The following AGRN variants were observed in gnomAD, a reference collection of about 807,000 sequenced individuals.
AGRN encodes the protein agrin proteoglycan.
A neutral mutation model predicts 211.0 loss-of-function variants in AGRN; 106 were observed. The observed-to-expected ratio is 0.50, with a 90% CI of 0.43 to 0.59. The LOEUF (loss-of-function observed/expected upper bound fraction) is 0.59. AGRN is among the 20% of genes least tolerant of loss of function. AGRN has a pLI of 0.00. For missense variants in AGRN, 3,040 were observed against 2,982.6 expected, an observed-to-expected ratio of 1.02 and a Z score of -0.45; for synonymous variants, 1,525 against 1,332.5, an observed-to-expected ratio of 1.14 and a Z score of -3.15.
rs1212165261 is a variant in AGRN, at chr1:1,046,819, G to T, written c.3251-1G>T. On this transcript the variant is annotated splice_acceptor_variant, in intron 18 of 35. Coordinates refer to ENST00000379370, the MANE Select transcript of AGRN (RefSeq NM_198576.4). LOFTEE classifies it high-confidence loss of function. Reference sequence around the variant, plus strand: ...CCTGGGCTCAGAGCGCGTCTCCCCAGGGCTCGAGCCCTTGGAGGGCAGCAG... The same window carrying T: ...CCTGGGCTCAGAGCGCGTCTCCCCATGGCTCGAGCCCTTGGAGGGCAGCAG... 1 of 1,580,990 alleles carries T rather than the reference G, an allele frequency of 6.3e-7. No homozygotes were observed. Among genetic ancestry groups the T allele is most frequent in the Non-Finnish European group, 8.6e-7 (1 of 1,167,722 alleles).
chr1:1,040,717 GGGGCC>G lies in AGRN; in HGVS notation c.574_578del (p.Arg192ValfsTer125). On this transcript the variant is annotated frameshift_variant, in exon 4 of 36. Transcript: ENST00000379370. LOFTEE classifies it high-confidence loss of function. Reference sequence around the variant, plus strand: ...GCGCCGTGTGCGAGCCCAACGCGGAGGGGCCGGGCCGGGCGTCCTGCGTCTGCAAG... The same window carrying G: ...GCGCCGTGTGCGAGCCCAACGCGGAGGGGCCGGGCGTCCTGCGTCTGCAAG... 1 of 1,547,294 alleles carries G rather than the reference GGGGCC, an allele frequency of 6.5e-7. No individual in the cohort carries two copies. The highest frequency in any genetic ancestry group is 8.7e-7 in the Non-Finnish European group (1 of 1,147,156).
chr1:1,021,551 C>A (rs1382050969), intron 1 of AGRN, among the ~76,000 whole-genome samples: 1 of 152,224 alleles, frequency 6.6e-6, no homozygotes, highest in Non-Finnish European at 1.5e-5. Flanking sequence ...CAGGGGAGTG[C>A]GTGAGTGCGT....
At chr1:1,051,207 C>G (rs1178455397) in intron 30 of AGRN, 46 bp from the exon 31 acceptor site, 1 of 1,557,922 alleles carries the variant, frequency 6.4e-7, no homozygotes, top group East Asian at 2.4e-5. Flanking sequence ...CCTGGGTCTG[C>G]ACCGTGGGTG....
At position 1,040,780 on chromosome 1, in the gene AGRN, G is replaced by T; in HGVS notation, c.627G>T (p.Val209=). 1.9e-6 allele frequency: 3 copies of T among 1,540,448 alleles called. No individual in the cohort carries two copies. The highest frequency in any genetic ancestry group is 8.7e-7 in the Non-Finnish European group (1 of 1,147,744). Residue 209 remains valine (V), a synonymous_variant, in exon 4 of 36, where the codon GTG becomes GTT. Coordinates refer to ENST00000379370, the MANE Select transcript of AGRN (RefSeq NM_198576.4). ...KSPCPSVVAP[V]CGSDASTYSN... ...CGTGCCCCAGCGTGGTGGCGCCTGT[G>T]TGTGGGTCGGACGCCTCCACCTACA...
At position 1,051,344 on chromosome 1, in the gene AGRN, C is replaced by G. The variant is rs772049055; in HGVS notation, c.5345C>G (p.Ser1782Cys). Reference sequence around the variant, plus strand: ...CTGGCCCGTGCTGCTGCCGTGTCCTCTGGCTTCGACGGTGCCATCCAGCTG... The same window carrying G: ...CTGGCCCGTGCTGCTGCCGTGTCCTGTGGCTTCGACGGTGCCATCCAGCTG... ...SKLARAAAVS[S>C]GFDGAIQLVS... Residue 1782 changes from serine (S) to cysteine (C), a missense_variant, in exon 31 of 36, where the codon TCT becomes TGT. Ser to Cys is a moderately radical substitution (Grantham distance 112). Coordinates refer to ENST00000379370, the MANE Select transcript of AGRN (RefSeq NM_198576.4). 1 of 1,565,704 alleles carries G rather than the reference C, an allele frequency of 6.4e-7. No homozygotes were observed. The highest frequency in any genetic ancestry group is 8.6e-7 in the Non-Finnish European group (1 of 1,156,266).
chr1:1,045,235 A>C lies in AGRN; in HGVS notation c.2329A>C (p.Asn777His), dbSNP rs777783441. The C allele has an allele frequency of 7.4e-6, 12 of 1,612,226 alleles. No individual in the cohort carries two copies. In the Admixed American group the frequency reaches 1.5e-4, roughly 20 times the overall value. The change falls in exon 13 of 36, where the codon AAT becomes CAT. Residue 777 changes from asparagine (N) to histidine (H), a missense_variant. Asn to His is a moderately conservative substitution (Grantham distance 68). This residue lies in a region of AGRN where 1,498 missense variants were observed against 1,457.8 expected (regional missense o/e 1.03). Transcript: ENST00000379370. ...GACGCCCTACGGCTGCTGCCAGGAC[A>C]ATATCACCGCAGCCCGGGGCGTGGG... The part of the protein sequence containing the change: ...AQTPYGCCQD[N>H]ITAARGVGLA...
chr1:1,023,839 G>A (rs751014635), intron 2 of AGRN, among the ~76,000 whole-genome samples: 6 of 152,216 alleles, frequency 3.9e-5, no homozygotes, highest in Middle Eastern at 6.9e-3. Context: ...CAGAGCGCTG[G>A]GAGGAGGGTC....
chr1:1,042,773 G>C (rs931597192), intron 7 of AGRN, among the ~76,000 whole-genome samples: 1 of 152,198 alleles, frequency 6.6e-6, no homozygotes, highest in Admixed American at 6.5e-5. Context: ...CGGCAGGGGG[G>C]GTGGCTTGCT....
intron 2 of AGRN, among the ~76,000 whole-genome samples, chr1:1,023,155 G>A (rs1644447158): frequency 6.6e-6 from 1 of 152,202 alleles, no homozygotes; most frequent in Non-Finnish European, 1.5e-5. Context: ...CCTGGGAAGG[G>A]ATGTGTCGGT....
chr1:1,038,140 G>A (rs114726421), intron 3 of AGRN, among the ~76,000 whole-genome samples: 1 of 152,268 alleles, frequency 6.6e-6, no homozygotes, highest in African/African-American at 2.4e-5. Flanking sequence ...TGGGCTGGCC[G>A]GCAGTGTCAC....
chr1:1,035,120 T>C (rs1644769916), intron 2 of AGRN, 157 bp from the exon 3 acceptor site: 6 of 792,352 alleles, frequency 7.6e-6, no homozygotes, highest in Non-Finnish European at 2.1e-6. Flanking sequence ...AGCCAGCCCA[T>C]GGGGTCAGGG....
intron 2 of AGRN, among the ~76,000 whole-genome samples, chr1:1,029,409 G>GGGGGGATCAGTGTCTATGCAGGCAGGTT (rs1644598902): frequency 7.0e-6 from 1 of 142,374 alleles, no homozygotes; most frequent in Non-Finnish European, 1.5e-5. Flanking sequence ...GCAGGCAGGT[G>GGGGGGATCAGTGTCTATGCAGGCAGGTT]GGGGGGACAT....
chr1:1,022,548 T>C (rs530705746), intron 2 of AGRN, 86 bp downstream of exon 2: 37 of 1,468,430 alleles, frequency 2.5e-5, no homozygotes, highest in Non-Finnish European at 3.3e-5. Flanking sequence ...CTGTGCGGGG[T>C]CCTTTCGTGC....
chr1:1,034,857 C>G (rs923399369), intron 2 of AGRN: 6 of 389,702 alleles, frequency 1.5e-5, no homozygotes, highest in Non-Finnish European at 2.0e-5. Flanking sequence ...CCCTGGAGGC[C>G]GTCCTTGGGC....
In AGRN at chr1:1,054,943, G is replaced by A. The variant is rs760232764; in HGVS notation, c.6100G>A (p.Val2034Ile). ...CCCGCTGCACCTGCTGGAGGACGCC[G>A]TCACCAAGCCAGAGCTGCGGCCCTG... is the stretch of plus-strand genomic sequence containing the variant. ...RHPLHLLEDAVTKPELRPCPT... is the reference protein window; with the variant it reads ...RHPLHLLEDAITKPELRPCPT... Residue 2034 changes from valine to isoleucine, a missense_variant, in exon 36 of 36, where the codon GTC becomes ATC. Transcript: ENST00000379370. The A allele has an allele frequency of 2.1e-5, 33 of 1,548,948 alleles. No homozygotes were observed. The highest frequency in any genetic ancestry group is 2.7e-5 in the African/African-American group (2 of 73,026).
In AGRN at chr1:1,053,827, G is replaced by T. The variant is rs74685771; in HGVS notation, c.5726G>T (p.Ser1909Ile). ...TEATQGLVLWSGKATERADYV... is the reference protein window; with the variant it reads ...TEATQGLVLWIGKATERADYV... Reference sequence around the variant, plus strand: ...GCCACGCAGGGGCTGGTGCTCTGGAGTGGCAAGGCCACGGAGCGGGCAGAC... The same window carrying T: ...GCCACGCAGGGGCTGGTGCTCTGGATTGGCAAGGCCACGGAGCGGGCAGAC... The change falls in exon 34 of 36, where the codon AGT becomes ATT. Residue 1909 changes from serine to isoleucine, a missense_variant. Physicochemically the swap from Ser to Ile is moderately radical, Grantham distance 142. This residue lies in a region of AGRN where 1,537 missense variants were observed against 1,505.0 expected (regional missense o/e 1.02). Transcript: ENST00000379370. 3 of 1,611,088 alleles carry T rather than the reference G, an allele frequency of 1.9e-6. No homozygotes were observed. Among genetic ancestry groups the T allele is most frequent in the South Asian group, 1.1e-5 (1 of 90,488 alleles).
chr1:1,052,040 G>T, intron 33 of AGRN: 1 of 1,504,270 alleles, frequency 6.6e-7, no homozygotes, highest in Non-Finnish European at 8.9e-7. Flanking sequence ...GGCGCCCCCC[G>T]CTCCCTCTCA....
In AGRN at chr1:1,035,273, C is replaced by T. The variant is rs1467185700; in HGVS notation, c.464-4C>T. 6.2e-7 allele frequency: 1 copy of T among 1,613,058 alleles called. No homozygotes were observed. On this transcript the variant is annotated splice_polypyrimidine_tract_variant and splice_region_variant and intron_variant, in intron 2 of 35. Coordinates refer to ENST00000379370, the MANE Select transcript of AGRN (RefSeq NM_198576.4). ...GCCTAACTTGGGGATTTGTTTTCTT[C>T]CAGATAAACCCGGGACCCACTTCAC...
At chr1:1,035,218 G>T in intron 2 of AGRN, 59 bp from the exon 3 acceptor site, 1 of 1,591,340 alleles carries the variant, frequency 6.3e-7, no homozygotes. Flanking sequence ...TGGGCAAAGG[G>T]ATGGGACAGG....
Sources: allele counts gnomAD v4.1 joint callset (sites outside exome capture counted in the v4.1 genomes callset), GRCh38; gene constraint gnomAD v4.1.1; regional missense constraint gnomAD v4.1.1; transcripts MANE v1.5; gene names NCBI Gene and HGNC (gene_info 2026-07-23, HGNC 2026-07-21).